The following GPC5 variants were observed in gnomAD, a reference collection of about 807,000 sequenced individuals.
GPC5 encodes glypican-5.
GPC5 carries 47 observed loss-of-function variants against 53.9 expected under a neutral mutation model. That is an observed-to-expected ratio of 0.87 (90% CI 0.69 to 1.11). The LOEUF is 1.11. Among genes scored for constraint, GPC5 ranks in the 50% most tolerant of loss-of-function variants. The pLI is 0.00. For synonymous variants in GPC5, 286 were observed against 263.3 expected (o/e 1.09, Z -0.84); for missense variants, 748 against 713.1 (o/e 1.05, Z -0.56).
At chr13:92,832,269 C>A (rs1878071653) in intron 7 of GPC5, among the ~76,000 whole-genome samples, 1 of 152,060 alleles carries the variant, frequency 6.6e-6, no homozygotes, top group African/African-American at 2.4e-5. Flanking sequence ...TTTCAAAGAT[C>A]AACATGGCAT....
intron 7 of GPC5, among the ~76,000 whole-genome samples, chr13:92,147,816 C>T (rs935129567): frequency 1.6e-4 from 25 of 151,962 alleles, no homozygotes; most frequent in African/African-American, 3.4e-4. Flanking sequence ...AAAACCACTG[C>T]GGGATAGCAT....
chr13:92,817,420 G>A (rs1276498858), intron 7 of GPC5, among the ~76,000 whole-genome samples: 1 of 151,814 alleles, frequency 6.6e-6, no homozygotes, highest in Non-Finnish European at 1.5e-5. Context: ...AAAACTATAT[G>A]TTACTATGAC....
intron 6 of GPC5, among the ~76,000 whole-genome samples, chr13:92,037,166 T>C (rs1362661980): frequency 1.3e-5 from 2 of 152,138 alleles, no homozygotes; most frequent in Non-Finnish European, 2.9e-5. Context: ...CTTCTACCTT[T>C]TTCATGATGT....
At chr13:92,221,507 C>T (rs2042448154) in intron 7 of GPC5, among the ~76,000 whole-genome samples, 1 of 152,082 alleles carries the variant, frequency 6.6e-6, no homozygotes, top group Admixed American at 6.6e-5. Flanking sequence ...AAGACAGGAT[C>T]CTATGTTTTC....
Position 92,446,847 on chromosome 13 carries a change from C to T in GPC5, c.1561+301858C>T, listed in dbSNP as rs139319744. 484 of 152,144 alleles carry T rather than the reference C, an allele frequency of 3.2e-3. 3 individuals carry two copies. Among genetic ancestry groups the T allele is most frequent in the African/African-American group, 0.011 (450 of 41,552 alleles). The allele number at this position is 152,144 out of a possible 1,614,324, so 9.4% of individuals were successfully genotyped here. On this transcript the variant is annotated intron_variant, in intron 7 of 7. Transcript: ENST00000377067. ...TTTTAACTGGGGTGAGATGACATCTCATTGCAGTTTTGATTTGCATTTATC... is the reference window on the plus strand; with the variant it reads ...TTTTAACTGGGGTGAGATGACATCTTATTGCAGTTTTGATTTGCATTTATC...
At chr13:91,976,030 C>T (rs1414986251) in intron 6 of GPC5, among the ~76,000 whole-genome samples, 1 of 152,038 alleles carries the variant, frequency 6.6e-6, no homozygotes, top group Non-Finnish European at 1.5e-5. Context: ...GACAAAAAAC[C>T]AAACACCGCA....
At chr13:92,291,570 G>A (rs1319027069) in intron 7 of GPC5, among the ~76,000 whole-genome samples, 1 of 152,138 alleles carries the variant, frequency 6.6e-6, no homozygotes, top group African/African-American at 2.4e-5. Flanking sequence ...CTGTAAAATG[G>A]ACCAATCAGC....
intron 7 of GPC5, among the ~76,000 whole-genome samples, chr13:92,459,303 A>G (rs1447468751): frequency 1.3e-5 from 2 of 152,212 alleles, no homozygotes; most frequent in Non-Finnish European, 2.9e-5. Context: ...AGGGAGACCA[A>G]AACAGGATTC....
At chr13:92,463,675 T>C (rs1878581505) in intron 7 of GPC5, among the ~76,000 whole-genome samples, 1 of 152,192 alleles carries the variant, frequency 6.6e-6, no homozygotes, top group African/African-American at 2.4e-5. Context: ...GTAACATAGA[T>C]ACATAAAATA....
intron 7 of GPC5, among the ~76,000 whole-genome samples, chr13:92,551,591 C>G (rs1227680461): frequency 6.6e-6 from 1 of 151,770 alleles, no homozygotes; most frequent in Non-Finnish European, 1.5e-5. Context: ...AAGAAAGCAA[C>G]CTGTTTTTAT....
At chr13:92,656,263 A>G (rs1018809774) in intron 7 of GPC5, among the ~76,000 whole-genome samples, 3 of 152,216 alleles carry the variant, frequency 2.0e-5, no homozygotes, top group African/African-American at 7.2e-5. Context: ...ACATTGTGAG[A>G]AAAAGGTGAG....
At chr13:91,533,230 C>T (rs1241708563) in intron 2 of GPC5, among the ~76,000 whole-genome samples, 1 of 152,086 alleles carries the variant, frequency 6.6e-6, no homozygotes, top group Non-Finnish European at 1.5e-5. Flanking sequence ...GTGACAGGAC[C>T]CAGGTGAGCT....
chr13:91,736,811 C>T (rs1350463636), intron 4 of GPC5, among the ~76,000 whole-genome samples: 2 of 151,190 alleles, frequency 1.3e-5, no homozygotes, highest in Non-Finnish European at 2.9e-5. Flanking sequence ...TGAGAGAATC[C>T]TCTATTCCAG....
At chr13:91,637,024 C>T (rs1013142084) in intron 2 of GPC5, among the ~76,000 whole-genome samples, 1 of 152,276 alleles carries the variant, frequency 6.6e-6, no homozygotes, top group Admixed American at 6.5e-5. Context: ...TGCCTTATGT[C>T]AATGACTCAT....
intron 6 of GPC5, among the ~76,000 whole-genome samples, chr13:92,130,904 A>T (rs1336979536): frequency 6.6e-6 from 1 of 151,934 alleles, no homozygotes; most frequent in African/African-American, 2.4e-5. Context: ...AAAAATAAAT[A>T]ATTATTCTAA....
At chr13:92,296,443 TG>T (rs1249215680) in intron 7 of GPC5, among the ~76,000 whole-genome samples, 1 of 151,972 alleles carries the variant, frequency 6.6e-6, no homozygotes. Context: ...CTGTGGGGGA[TG>T]GGGGTGAGAT....
At chr13:91,695,291 A>G (rs1325286005) in intron 3 of GPC5, among the ~76,000 whole-genome samples, 1 of 152,212 alleles carries the variant, frequency 6.6e-6, no homozygotes, top group Non-Finnish European at 1.5e-5. Flanking sequence ...AAAAGGAGGT[A>G]CCAATGACTG....
At chr13:92,239,050 T>A (rs940460520) in intron 7 of GPC5, among the ~76,000 whole-genome samples, 1 of 151,968 alleles carries the variant, frequency 6.6e-6, no homozygotes, top group Non-Finnish European at 1.5e-5. Context: ...AGTAATTGAC[T>A]ATAAATGTGA....
At chr13:91,926,072 A>G (rs2039764375) in intron 6 of GPC5, among the ~76,000 whole-genome samples, 1 of 152,098 alleles carries the variant, frequency 6.6e-6, no homozygotes, top group South Asian at 2.1e-4. Flanking sequence ...TAAAAAATCT[A>G]TGCAAAATAG....
Sources: gnomAD v4.1 joint callset for allele counts (sites outside exome capture counted in the v4.1 genomes callset) on GRCh38, gnomAD v4.1.1 for gene constraint, MANE v1.5 for transcripts, NCBI Gene and HGNC (gene_info 2026-07-23, HGNC 2026-07-21) for gene names.